PLXNA4: variants seen among roughly 807,000 people sequenced by gnomAD.
PLXNA4 encodes plexin-A4.
A neutral mutation model predicts 191.8 loss-of-function variants in PLXNA4; 44 were observed. That is an observed-to-expected ratio of 0.23 (90% CI 0.18 to 0.29). PLXNA4 has a LOEUF of 0.29. PLXNA4 is among the 10% of genes least tolerant of loss of function. The pLI is 1.00. For synonymous variants in PLXNA4, 1,082 were observed against 1,009.5 expected, an observed-to-expected ratio of 1.07 and a Z score of -1.36; for missense variants, 1,800 against 2,488.8, an observed-to-expected ratio of 0.72 and a Z score of 5.89.
chr7:132,175,022 T>C, intron 20 of PLXNA4, 102 bp from the exon 21 acceptor site: 1 of 1,522,674 alleles, frequency 6.6e-7, no homozygotes, highest in Non-Finnish European at 8.9e-7. Context: ...CTAGGAGACA[T>C]GAGCAATGGA....
chr7:132,251,459 C>T (rs77406599), intron 4 of PLXNA4, among the ~76,000 whole-genome samples: 4,646 of 152,208 alleles, frequency 0.031, 70 homozygotes, highest in Middle Eastern at 0.054. Context: ...GCCCAGGCAG[C>T]GGAGCCAAGC....
chr7:132,358,590 C>A (rs1803805664), intron 3 of PLXNA4, among the ~76,000 whole-genome samples: 1 of 152,312 alleles, frequency 6.6e-6, no homozygotes, highest in African/African-American at 2.4e-5. Context: ...ATTATTTACT[C>A]ACAGTTAATT....
intron 4 of PLXNA4, among the ~76,000 whole-genome samples, chr7:132,297,523 C>A (rs1322155037): frequency 6.6e-6 from 1 of 152,168 alleles, no homozygotes; most frequent in African/African-American, 2.4e-5. Flanking sequence ...AGCAAACCTG[C>A]ACCATATCTG....
chr7:132,463,918 C>T (rs978902095), intron 3 of PLXNA4, among the ~76,000 whole-genome samples: 13 of 152,198 alleles, frequency 8.5e-5, no homozygotes, highest in East Asian at 3.8e-4. Context: ...GAGCAGAGGC[C>T]CAGGAGCCTG....
intron 1 of PLXNA4, among the ~76,000 whole-genome samples, chr7:132,554,284 C>T (rs1483952431): frequency 5.3e-5 from 8 of 152,130 alleles, no homozygotes; most frequent in African/African-American, 2.4e-5. Flanking sequence ...CAATGAGGTG[C>T]CCCTTTTCCT....
chr7:132,496,970 G>A (rs1326118315), intron 2 of PLXNA4, among the ~76,000 whole-genome samples: 6 of 152,178 alleles, frequency 3.9e-5, no homozygotes, highest in Admixed American at 1.3e-4. Context: ...GAGAAATGAC[G>A]TTTTGAAAAG....
intron 3 of PLXNA4, among the ~76,000 whole-genome samples, chr7:132,443,940 G>C (rs931787170): frequency 6.6e-6 from 1 of 152,248 alleles, no homozygotes; most frequent in African/African-American, 2.4e-5. Context: ...CTGCCATTCA[G>C]TGCTAAAACA....
At chr7:132,580,478 T>C (rs976587680), upstream of PLXNA4, among the ~76,000 whole-genome samples, 2 of 152,134 alleles carry the variant, frequency 1.3e-5, no homozygotes, top group Non-Finnish European at 2.9e-5. Context: ...GTTATGTCAT[T>C]GTCTGGACCC....
Position 132,499,093 on chromosome 7 carries a change from T to C in PLXNA4, c.1188+8413A>G, listed in dbSNP as rs556250291. ...AGGGCATTAAGCCAAGCACACATTC[T>C]GCAGGCCAGGCTGTAACCAATAGCG... On this transcript the variant is annotated intron_variant, in intron 2 of 31. Coordinates refer to ENST00000321063, the MANE Select transcript of PLXNA4 (RefSeq NM_020911.2). 1.3e-4 allele frequency among the ~76,000 whole-genome samples: 20 copies of C among 152,374 alleles called. No individual in the cohort carries two copies. The South Asian group carries it at 3.9e-3, about 30-fold the overall frequency.
At chr7:132,234,650 G>C (rs529304074) in intron 5 of PLXNA4, among the ~76,000 whole-genome samples, 3 of 150,534 alleles carry the variant, frequency 2.0e-5, no homozygotes, top group Non-Finnish European at 2.9e-5. Flanking sequence ...GGGGCTTGGC[G>C]GGGGGCAGGG....
chr7:132,328,213 A>G (rs1802448296), intron 3 of PLXNA4, among the ~76,000 whole-genome samples: 1 of 152,092 alleles, frequency 6.6e-6, no homozygotes, highest in Non-Finnish European at 1.5e-5. Context: ...TTAGAAGGAG[A>G]CAGAGCATTC....
At chr7:132,439,168 C>G (rs1265921061) in intron 3 of PLXNA4, among the ~76,000 whole-genome samples, 1 of 152,172 alleles carries the variant, frequency 6.6e-6, no homozygotes, top group East Asian at 1.9e-4. Context: ...ATCCAGCTGC[C>G]CTGACACTTG....
chr7:132,598,945 A>G (rs1314911849), intron 2 of PLXNA4, among the ~76,000 whole-genome samples: 1 of 152,166 alleles, frequency 6.6e-6, no homozygotes, highest in Non-Finnish European at 1.5e-5. Flanking sequence ...GGTCACCTTT[A>G]TATGTGGCAT....
chr7:132,440,253 T>A (rs965784842), intron 3 of PLXNA4, among the ~76,000 whole-genome samples: 1 of 152,192 alleles, frequency 6.6e-6, no homozygotes, highest in Non-Finnish European at 1.5e-5. Flanking sequence ...AAGGTGCTTC[T>A]CAATTCTTTG....
chr7:132,221,639 T>C (rs1023507941), intron 9 of PLXNA4, among the ~76,000 whole-genome samples: 1 of 152,204 alleles, frequency 6.6e-6, no homozygotes, highest in African/African-American at 2.4e-5. Flanking sequence ...TATATCCATG[T>C]TGTCTTTGTT....
chr7:132,612,914 T>C (rs138389196), intron 2 of PLXNA4, among the ~76,000 whole-genome samples: 26 of 152,168 alleles, frequency 1.7e-4, no homozygotes, highest in African/African-American at 5.8e-4. Flanking sequence ...CAAAATGAGA[T>C]TATACACATG....
At chr7:132,150,642 G>A (rs1795569366) in intron 25 of PLXNA4, among the ~76,000 whole-genome samples, 1 of 152,252 alleles carries the variant, frequency 6.6e-6, no homozygotes, top group East Asian at 1.9e-4. Flanking sequence ...CCACTGAAGT[G>A]ACCATGGGGC....
At chr7:132,525,768 C>T (rs747877976) in intron 1 of PLXNA4, among the ~76,000 whole-genome samples, 3 of 152,178 alleles carry the variant, frequency 2.0e-5, no homozygotes, top group African/African-American at 4.8e-5. Context: ...AACACCAGTC[C>T]CTCCCAAGGC....
At chr7:132,588,612 G>C in intron 2 of PLXNA4, among the ~76,000 whole-genome samples, 1 of 126,116 alleles carries the variant, frequency 7.9e-6, no homozygotes, top group East Asian at 2.7e-4. Flanking sequence ...TACAGGAAGA[G>C]AGAACACACC....
Sources: gnomAD v4.1 joint callset for allele counts (sites outside exome capture counted in the v4.1 genomes callset) on GRCh38, gnomAD v4.1.1 for gene constraint, MANE v1.5 for transcripts, NCBI Gene and HGNC (gene_info 2026-07-23, HGNC 2026-07-21) for gene names.